Variants in TMCC1 observed in about 807,000 individuals in gnomAD.
TMCC1 encodes transmembrane and coiled-coil domain family 1, also known as transmembrane and coiled-coil domains protein 1.
TMCC1 carries 15 observed loss-of-function variants against 52.4 expected under a neutral mutation model. That is an observed-to-expected ratio of 0.29 (90% CI 0.19 to 0.44). The LOEUF is 0.44. TMCC1 is among the 20% of genes least tolerant of loss of function. TMCC1 has a pLI of 1.00. For missense variants in TMCC1, 503 were observed against 806.0 expected, an observed-to-expected ratio of 0.62 and a Z score of 4.55; for synonymous variants, 279 against 301.9, an observed-to-expected ratio of 0.92 and a Z score of 0.79.
At chr3:129,717,740 C>T (rs79219433) in intron 4 of TMCC1, among the ~76,000 whole-genome samples, 96 of 152,322 alleles carry the variant, frequency 6.3e-4, no homozygotes, top group African/African-American at 2.2e-3. Context: ...AATCCAACTA[C>T]ATCTTATAAT....
At chr3:129,748,761 G>C (rs1230856041) in intron 4 of TMCC1, among the ~76,000 whole-genome samples, 3 of 152,052 alleles carry the variant, frequency 2.0e-5, no homozygotes, top group Admixed American at 6.6e-5. Flanking sequence ...CCAGCACTTT[G>C]GGAGGCTGAG....
chr3:129,670,082 A>T (rs2087790957), intron 5 of TMCC1, among the ~76,000 whole-genome samples: 1 of 152,212 alleles, frequency 6.6e-6, no homozygotes, highest in Non-Finnish European at 1.5e-5. Flanking sequence ...GTGTAGTTTT[A>T]TAATTATAAA....
chr3:129,841,104 G>A (rs888822072), intron 2 of TMCC1, among the ~76,000 whole-genome samples: 3 of 152,210 alleles, frequency 2.0e-5, no homozygotes, highest in African/African-American at 7.2e-5. Context: ...GCCCAAGATG[G>A]AGATGAGAAA....
intron 4 of TMCC1, among the ~76,000 whole-genome samples, chr3:129,820,758 C>G (rs979199928): frequency 3.9e-5 from 6 of 152,144 alleles, no homozygotes; most frequent in South Asian, 2.1e-4. Context: ...GTTATAGCAA[C>G]TTGGCAGGAA....
chr3:129,764,396 T>C (rs2107685729), intron 4 of TMCC1, among the ~76,000 whole-genome samples: 1 of 152,322 alleles, frequency 6.6e-6, no homozygotes, highest in South Asian at 2.1e-4. Flanking sequence ...CATTCATTGA[T>C]AGTCCATACA....
intron 4 of TMCC1, among the ~76,000 whole-genome samples, chr3:129,807,820 ACCCTT>A (rs1296579882): frequency 6.6e-6 from 1 of 152,184 alleles, no homozygotes; most frequent in Non-Finnish European, 1.5e-5. Flanking sequence ...TCTTCCATGC[ACCCTT>A]ATTCTATAAG....
intron 4 of TMCC1, among the ~76,000 whole-genome samples, chr3:129,755,666 A>C (rs915086211): frequency 2.6e-5 from 4 of 152,238 alleles, no homozygotes; most frequent in African/African-American, 7.2e-5. Flanking sequence ...AACTAACAGG[A>C]AAGTGGAAAT....
At chr3:129,762,254 G>A (rs1005722704) in intron 4 of TMCC1, among the ~76,000 whole-genome samples, 31 of 151,922 alleles carry the variant, frequency 2.0e-4, no homozygotes, top group African/African-American at 7.5e-4. Flanking sequence ...TGCCCAGGCT[G>A]GTCTTGAACT....
chr3:129,872,053 A>G (rs2060957086), intron 2 of TMCC1, among the ~76,000 whole-genome samples: 1 of 152,246 alleles, frequency 6.6e-6, no homozygotes, highest in Non-Finnish European at 1.5e-5. Flanking sequence ...TTTTGAAAAT[A>G]TCTGTTAAAA....
intron 2 of TMCC1, chr3:129,867,108 A>G (rs930315452): frequency 3.6e-5 from 5 of 139,112 alleles, no homozygotes; most frequent in African/African-American, 1.4e-4. Flanking sequence ...CCTATGAGTT[A>G]AAAAAAAAAA....
At chr3:129,771,835 G>A (rs963204792) in intron 4 of TMCC1, among the ~76,000 whole-genome samples, 26 of 149,758 alleles carry the variant, frequency 1.7e-4, no homozygotes, top group African/African-American at 6.1e-4. Context: ...TGGTGTACTG[G>A]CAAAACGAAT....
At chr3:129,853,233 A>T (rs569222360) in intron 2 of TMCC1, among the ~76,000 whole-genome samples, 14 of 152,200 alleles carry the variant, frequency 9.2e-5, no homozygotes, top group Non-Finnish European at 5.9e-5. Flanking sequence ...TATACACTGC[A>T]GTACATAAAC....
intron 5 of TMCC1, 27 bp downstream of exon 5, chr3:129,670,303 T>C (rs1335708820): frequency 3.8e-6 from 6 of 1,592,126 alleles, no homozygotes; most frequent in African/African-American, 1.3e-5. Flanking sequence ...CACAAATAAT[T>C]TCAGATATTA....
chr3:129,751,119 C>T (rs370407791), intron 4 of TMCC1, among the ~76,000 whole-genome samples: 161 of 152,020 alleles, frequency 1.1e-3, no homozygotes, highest in African/African-American at 3.4e-3. Context: ...GAGGATCACT[C>T]GGACCCAGGA....
At chr3:129,705,230 A>T (rs116228452) in intron 4 of TMCC1, among the ~76,000 whole-genome samples, 9 of 152,296 alleles carry the variant, frequency 5.9e-5, no homozygotes, top group African/African-American at 2.2e-4. Flanking sequence ...GAGAGGAAAG[A>T]GCAGAGAGAG....
chr3:129,820,190 T>C (rs2058349581), intron 4 of TMCC1, among the ~76,000 whole-genome samples: 1 of 150,870 alleles, frequency 6.6e-6, no homozygotes, highest in Non-Finnish European at 1.5e-5. Flanking sequence ...GACTTGGTTC[T>C]GACATCCATT....
At position 129,651,920 on chromosome 3, in the gene TMCC1, C is replaced by G. The variant is rs1361893181; in HGVS notation, c.1648-125G>C. On this transcript the variant is annotated intron_variant, in intron 6 of 6. Transcript: ENST00000393238. The surrounding 1 kb of genome is among the most constrained non-coding windows in gnomAD (Gnocchi z 5.1). ...AATGATTTTATAAATATGCTGGAGC[C>G]TTGAATGAATGTAAAAGGCTAGATG... 1 of 1,047,120 alleles carries G rather than the reference C, an allele frequency of 9.5e-7. No homozygotes were observed. The highest frequency in any genetic ancestry group is 1.3e-6 in the Non-Finnish European group (1 of 750,484). The allele number at this position is 1,047,120 out of a possible 1,614,324, so 64.9% of individuals were successfully genotyped here.
At chr3:129,747,704 C>T (rs2052104433) in intron 4 of TMCC1, among the ~76,000 whole-genome samples, 1 of 152,102 alleles carries the variant, frequency 6.6e-6, no homozygotes, top group Non-Finnish European at 1.5e-5. Context: ...GGCTCTGAAA[C>T]TCCACACTAA....
chr3:129,697,179 T>C (rs2047475076), intron 4 of TMCC1, among the ~76,000 whole-genome samples: 1 of 152,210 alleles, frequency 6.6e-6, no homozygotes, highest in Admixed American at 6.5e-5. Flanking sequence ...TGCAGCAAAC[T>C]TTTGCCTGGA....
Sources: allele counts gnomAD v4.1 joint callset (sites outside exome capture counted in the v4.1 genomes callset), GRCh38; gene constraint gnomAD v4.1.1; non-coding constraint Gnocchi (gnomAD v3.1); transcripts MANE v1.5; gene names NCBI Gene and HGNC (gene_info 2026-07-23, HGNC 2026-07-21).